PDE4D: variants seen among roughly 807,000 people sequenced by gnomAD.
PDE4D encodes the protein phosphodiesterase 4D.
A neutral mutation model predicts 87.4 loss-of-function variants in PDE4D; 24 were observed. The ratio of observed to expected loss-of-function variants is 0.27; its 90% CI spans 0.20 to 0.39. The LOEUF is 0.39. PDE4D is among the 10% of genes least tolerant of loss of function. The pLI is 1.00. For synonymous variants in PDE4D, 384 were observed against 383.2 expected (o/e 1.00, Z -0.02); for missense variants, 714 against 1,041.0 (o/e 0.69, Z 4.32).
At position 59,635,320 on chromosome 5, in the gene PDE4D, C is replaced by T. The variant is rs183118746; in HGVS notation, c.455+257848G>A. Among the ~76,000 whole-genome samples, 632 of 152,288 alleles carry T rather than the reference C, an allele frequency of 4.2e-3. 7 individuals are homozygous for T. The highest frequency in any genetic ancestry group is 5.8e-3 in the Non-Finnish European group (395 of 68,020). ...ATTCTACCAGAGGTACAAAGAGGAG[C>T]TGGTACCGTTCCTTCTGAAACTATT... On this transcript the variant is annotated intron_variant, in intron 1 of 14. Transcript: ENST00000340635.
At chr5:59,543,698 C>T (rs1022993555) in intron 1 of PDE4D, among the ~76,000 whole-genome samples, 1 of 152,114 alleles carries the variant, frequency 6.6e-6, no homozygotes, top group Non-Finnish European at 1.5e-5. Context: ...TGGCTATGTT[C>T]CCATCCGTCT....
chr5:59,356,902 G>A (rs934654154), intron 1 of PDE4D: 34 of 1,477,880 alleles, frequency 2.3e-5, no homozygotes, highest in Middle Eastern at 1.8e-4. Context: ...GCTGGTGCGG[G>A]GCTCTGGGGC....
intron 2 of PDE4D, among the ~76,000 whole-genome samples, chr5:60,052,803 C>T (rs576059202): frequency 6.6e-6 from 1 of 152,282 alleles, no homozygotes; most frequent in African/African-American, 2.4e-5. Context: ...TTGTCTCAGG[C>T]CCAAATCTCC....
intron 1 of PDE4D, among the ~76,000 whole-genome samples, chr5:59,462,276 T>C (rs1476381242): frequency 6.6e-6 from 1 of 152,104 alleles, no homozygotes; most frequent in Non-Finnish European, 1.5e-5. Context: ...ATTGTGTCAC[T>C]TGCAAAACTA....
chr5:59,899,078 T>C (rs560608631), intron 3 of PDE4D, among the ~76,000 whole-genome samples: 40 of 152,310 alleles, frequency 2.6e-4, no homozygotes, highest in African/African-American at 9.1e-4. Context: ...TATTGAACAA[T>C]TAACATTTGA....
At chr5:59,246,006 A>AATATTATATATAAATGTAT (rs1302047283) in intron 1 of PDE4D, among the ~76,000 whole-genome samples, 2 of 149,816 alleles carry the variant, frequency 1.3e-5, no homozygotes. Context: ...TATACATATA[A>AATATTATATATAAATGTAT]ATATTATATA....
At chr5:59,338,266 G>T (rs35258) in intron 1 of PDE4D, among the ~76,000 whole-genome samples, 44,512 of 152,056 alleles carry the variant, frequency 0.29, 7,267 homozygotes, top group Non-Finnish European at 0.37. Flanking sequence ...GCAAAAGTGG[G>T]ATCTCATGCT....
At chr5:60,384,480 G>A (rs1762068975) in intron 1 of PDE4D, among the ~76,000 whole-genome samples, 1 of 152,120 alleles carries the variant, frequency 6.6e-6, no homozygotes, top group Non-Finnish European at 1.5e-5. Flanking sequence ...CAAATCCAAT[G>A]GGAGCCTGAA....
At chr5:60,171,229 G>T (rs748728538) in intron 2 of PDE4D, among the ~76,000 whole-genome samples, 1 of 152,000 alleles carries the variant, frequency 6.6e-6, no homozygotes, top group Non-Finnish European at 1.5e-5. Flanking sequence ...TAAACCATAT[G>T]AGAGAATTTC....
At chr5:59,961,746 G>A (rs1241447198) in intron 3 of PDE4D, among the ~76,000 whole-genome samples, 1 of 152,182 alleles carries the variant, frequency 6.6e-6, no homozygotes, top group Non-Finnish European at 1.5e-5. Context: ...ATATGGGTGT[G>A]TATGTGTATT....
At chr5:60,143,603 T>TTGTGTGTGCGTGTGTGTGTGTGTG (rs1780732227) in intron 2 of PDE4D, among the ~76,000 whole-genome samples, 1 of 117,692 alleles carries the variant, frequency 8.5e-6, no homozygotes, top group African/African-American at 3.3e-5. Flanking sequence ...AGCTTGGGAA[T>TTGTGTGTGCGTGTGTGTGTGTGTG]TGTGTGTGTG....
intron 6 of PDE4D, among the ~76,000 whole-genome samples, chr5:59,034,748 T>C (rs1422250577): frequency 6.6e-6 from 1 of 152,180 alleles, no homozygotes; most frequent in Admixed American, 6.5e-5. Flanking sequence ...CTAAGTATAT[T>C]TGGAATGAAG....
At chr5:60,061,360 A>G (rs1771384812) in intron 2 of PDE4D, among the ~76,000 whole-genome samples, 1 of 152,142 alleles carries the variant, frequency 6.6e-6, no homozygotes, top group Admixed American at 6.6e-5. Flanking sequence ...AACACCTAGG[A>G]ATACAGCTAA....
intron 2 of PDE4D, among the ~76,000 whole-genome samples, chr5:60,082,068 T>A (rs1021313334): frequency 6.6e-6 from 1 of 152,170 alleles, no homozygotes; most frequent in Non-Finnish European, 1.5e-5. Flanking sequence ...GTGGTTTACT[T>A]CCCAATTCAG....
intron 1 of PDE4D, among the ~76,000 whole-genome samples, chr5:59,848,178 T>C (rs193118535): frequency 6.6e-6 from 1 of 152,192 alleles, no homozygotes; most frequent in East Asian, 1.9e-4. Flanking sequence ...GTCACCTAAT[T>C]GCATAAAGAA....
At chr5:59,255,530 G>C (rs1330811737) in intron 1 of PDE4D, among the ~76,000 whole-genome samples, 2 of 152,040 alleles carry the variant, frequency 1.3e-5, no homozygotes, top group African/African-American at 4.8e-5. Flanking sequence ...GGTTGCAAAA[G>C]TGTGTGAATA....
At chr5:60,238,957 T>C (rs1168504762) in intron 1 of PDE4D, among the ~76,000 whole-genome samples, 1 of 152,076 alleles carries the variant, frequency 6.6e-6, no homozygotes, top group African/African-American at 2.4e-5. Context: ...TCTTGAGCAG[T>C]AGGATAATAA....
intron 1 of PDE4D, among the ~76,000 whole-genome samples, chr5:59,653,690 T>C (rs1301290826): frequency 2.0e-5 from 3 of 152,210 alleles, no homozygotes; most frequent in Non-Finnish European, 4.4e-5. Flanking sequence ...TTGCCCAGTT[T>C]ATTCTCAGAA....
At chr5:60,323,765 C>T (rs913053924) in intron 1 of PDE4D, among the ~76,000 whole-genome samples, 5 of 151,282 alleles carry the variant, frequency 3.3e-5, no homozygotes, top group African/African-American at 9.8e-5. Flanking sequence ...CACCCTCCAC[C>T]CCCCACCCGC....
Sources: gnomAD v4.1 joint callset for allele counts (sites outside exome capture counted in the v4.1 genomes callset) on GRCh38, gnomAD v4.1.1 for gene constraint, MANE v1.5 for transcripts, NCBI Gene and HGNC (gene_info 2026-07-23, HGNC 2026-07-21) for gene names.